The following INPP4B variants were observed in gnomAD, a reference collection of about 807,000 sequenced individuals.
The protein encoded by INPP4B is inositol polyphosphate-4-phosphatase type II B.
Under a neutral mutation model 122.5 loss-of-function variants are expected in INPP4B, and 55 were observed. The observed-to-expected ratio is 0.45, with a 90% CI of 0.36 to 0.56. The LOEUF is 0.56. Among genes scored for constraint, INPP4B ranks in the 20% least tolerant of loss-of-function variants. The probability of loss-of-function intolerance (pLI) is 0.00; values close to 1 mark genes in which losing one functional copy is unlikely to be tolerated. For synonymous variants in INPP4B, 403 were observed against 388.7 expected (o/e 1.04, Z -0.43); for missense variants, 1,000 against 1,097.7 (o/e 0.91, Z 1.26).
chr4:142,144,222 TACACACACACACAC>T (rs35496129), intron 18 of INPP4B, among the ~76,000 whole-genome samples: 63 of 145,010 alleles, frequency 4.3e-4, no homozygotes, highest in African/African-American at 5.3e-4. Context: ...AAATACAAGA[TACACACACACACAC>T]ACACACACAC....
chr4:142,821,403 T>C (rs557687966), intron 1 of INPP4B, among the ~76,000 whole-genome samples: 3 of 152,200 alleles, frequency 2.0e-5, no homozygotes, highest in Non-Finnish European at 2.9e-5. Flanking sequence ...TATACCTTTT[T>C]TGGAGGACAA....
At chr4:142,509,460 G>C (rs776567865) in intron 2 of INPP4B, among the ~76,000 whole-genome samples, 1 of 151,912 alleles carries the variant, frequency 6.6e-6, no homozygotes, top group African/African-American at 2.4e-5. Context: ...CCCCACATGT[G>C]AGTGAGAACA....
intron 2 of INPP4B, among the ~76,000 whole-genome samples, chr4:142,507,427 T>C (rs1395186560): frequency 1.3e-5 from 2 of 152,104 alleles, no homozygotes; most frequent in East Asian, 1.9e-4. Flanking sequence ...CTACTATTTC[T>C]GCTTTCTTGT....
At chr4:142,668,452 T>G (rs1050518227) in intron 2 of INPP4B, among the ~76,000 whole-genome samples, 1 of 152,178 alleles carries the variant, frequency 6.6e-6, no homozygotes, top group Non-Finnish European at 1.5e-5. Flanking sequence ...AAGAGAAGGA[T>G]GCTCATATTT....
intron 1 of INPP4B, among the ~76,000 whole-genome samples, chr4:142,781,596 T>A (rs762351236): frequency 1.4e-4 from 22 of 152,152 alleles, no homozygotes; most frequent in Non-Finnish European, 2.2e-4. Context: ...AATGAAAATT[T>A]CCCATCTGTG....
chr4:142,157,594 C>A (rs1313753598), intron 17 of INPP4B, among the ~76,000 whole-genome samples: 1 of 152,072 alleles, frequency 6.6e-6, no homozygotes, highest in African/African-American at 2.4e-5. Flanking sequence ...ATTGCCCAAT[C>A]CTTTTGCCTT....
At chr4:142,291,221 T>C (rs1173102504) in intron 9 of INPP4B, among the ~76,000 whole-genome samples, 1 of 152,146 alleles carries the variant, frequency 6.6e-6, no homozygotes, top group Non-Finnish European at 1.5e-5. Flanking sequence ...ACTTCCTTCC[T>C]CTCATCTCTT....
intron 2 of INPP4B, among the ~76,000 whole-genome samples, chr4:142,644,677 G>A (rs369571684): frequency 9.5e-5 from 14 of 148,108 alleles, no homozygotes; most frequent in East Asian, 5.9e-4. Context: ...TGGGCTGGGC[G>A]GATCACCTAA....
intron 23 of INPP4B, among the ~76,000 whole-genome samples, chr4:142,104,583 A>G (rs1346834741): frequency 1.3e-5 from 2 of 152,142 alleles, no homozygotes; most frequent in Non-Finnish European, 2.9e-5. Context: ...GCTGCATCAC[A>G]TACAAAGGAG....
At chr4:142,710,254 C>A (rs1762948006) in intron 2 of INPP4B, among the ~76,000 whole-genome samples, 1 of 152,178 alleles carries the variant, frequency 6.6e-6, no homozygotes, top group African/African-American at 2.4e-5. Context: ...TACTAGAATA[C>A]ATTTGGATTA....
chr4:142,071,576 C>A (rs1427803462), intron 25 of INPP4B, among the ~76,000 whole-genome samples: 5 of 152,166 alleles, frequency 3.3e-5, no homozygotes, highest in Non-Finnish European at 7.3e-5. Flanking sequence ...AAAATTTTTA[C>A]AATCTACCCA....
chr4:142,348,351 C>T (rs1283050962), intron 7 of INPP4B, among the ~76,000 whole-genome samples: 1 of 151,956 alleles, frequency 6.6e-6, no homozygotes, highest in Non-Finnish European at 1.5e-5. Context: ...ACCATTCAGT[C>T]ACTTTACTAT....
intron 7 of INPP4B, among the ~76,000 whole-genome samples, chr4:142,340,734 C>A (rs1778423454): frequency 6.6e-6 from 1 of 152,098 alleles, no homozygotes; most frequent in Admixed American, 6.5e-5. Context: ...CGTTAGCCTG[C>A]CAGTGGGGAG....
At chr4:142,146,131 T>A (rs1810582146) in intron 17 of INPP4B, 135 bp from the exon 18 acceptor site, 2 of 949,778 alleles carry the variant, frequency 2.1e-6, no homozygotes, top group Non-Finnish European at 3.1e-6. Flanking sequence ...AAATTCCCAT[T>A]AATTTGGTCA....
intron 14 of INPP4B, among the ~76,000 whole-genome samples, chr4:142,208,064 G>C (rs1843292695): frequency 6.6e-6 from 1 of 151,624 alleles, no homozygotes; most frequent in Non-Finnish European, 1.5e-5. Context: ...TTGGGGCTTT[G>C]GTTTCTCAAG....
chr4:142,720,951 A>G (rs1764579094), intron 2 of INPP4B, among the ~76,000 whole-genome samples: 1 of 142,904 alleles, frequency 7.0e-6, no homozygotes, highest in Non-Finnish European at 1.5e-5. Context: ...TCATATATAT[A>G]GAGAGAGAGA....
At chr4:142,638,498 T>A (rs549430656) in intron 2 of INPP4B, among the ~76,000 whole-genome samples, 17 of 152,232 alleles carry the variant, frequency 1.1e-4, no homozygotes, top group African/African-American at 3.9e-4. Flanking sequence ...TATGTTAGTC[T>A]ATTTCTGGGC....
At chr4:142,293,080 C>T (rs1561769371) in intron 9 of INPP4B, among the ~76,000 whole-genome samples, 1 of 150,824 alleles carries the variant, frequency 6.6e-6, no homozygotes, top group Non-Finnish European at 1.5e-5. Flanking sequence ...CTCTTGTCAC[C>T]CAGACTGGAG....
chr4:142,061,662 A>C (rs908832099), intron 25 of INPP4B, among the ~76,000 whole-genome samples: 1 of 151,914 alleles, frequency 6.6e-6, no homozygotes, highest in Admixed American at 6.6e-5. Flanking sequence ...GAATACACAT[A>C]TATCTCAGGA....
Sources: allele counts gnomAD v4.1 joint callset (sites outside exome capture counted in the v4.1 genomes callset), GRCh38; gene constraint gnomAD v4.1.1; transcripts MANE v1.5; gene names NCBI Gene and HGNC (gene_info 2026-07-23, HGNC 2026-07-21).